The following HMCN1 variants were observed in gnomAD, a reference collection of about 807,000 sequenced individuals.
The protein encoded by HMCN1 is hemicentin-1.
A neutral mutation model predicts 625.9 loss-of-function variants in HMCN1; 321 were observed. That is an observed-to-expected ratio of 0.51 (90% CI 0.47 to 0.56). The LOEUF (loss-of-function observed/expected upper bound fraction) is 0.56, where lower values mean the gene tolerates loss of function less well. Ranked by LOEUF, HMCN1 falls within the 20% of genes least tolerant of loss-of-function variation. The pLI, the probability that HMCN1 is intolerant of heterozygous loss-of-function variation, is 0.00. For missense variants in HMCN1, 6,588 were observed against 6,887.3 expected (o/e 0.96, Z 1.54); for synonymous variants, 2,425 against 2,417.6 (o/e 1.00, Z -0.09).
intron 1 of HMCN1, among the ~76,000 whole-genome samples, chr1:185,785,234 A>G (rs1657479746): frequency 6.6e-6 from 1 of 152,186 alleles, no homozygotes. Flanking sequence ...TGCTTCTTAA[A>G]GTAAATTGAT....
At position 186,003,829 on chromosome 1, in the gene HMCN1, G is replaced by C; in HGVS notation, c.4460G>C (p.Trp1487Ser). 2 of 1,613,182 alleles carry C rather than the reference G, an allele frequency of 1.2e-6. No homozygotes were observed. Among genetic ancestry groups the C allele is most frequent in the Non-Finnish European group, 1.7e-6 (2 of 1,179,420 alleles). ...GGCACTCCCTTTCCTGATATTCATTGGTTCAAAGATGGCAAGTGAGTATCT... is the reference window on the plus strand; with the variant it reads ...GGCACTCCCTTTCCTGATATTCATTCGTTCAAAGATGGCAAGTGAGTATCT... Reference protein sequence around the residue: ...VKGTPFPDIHWFKDGKPLFLG... With the variant: ...VKGTPFPDIHSFKDGKPLFLG... Residue 1487 changes from tryptophan to serine, a missense_variant, in exon 29 of 107, where the codon TGG (tryptophan) becomes TCG (serine). By Grantham distance (177) the Trp-to-Ser change is radical. Transcript: ENST00000271588.
At position 186,094,368 on chromosome 1, in the gene HMCN1, T is replaced by A. The variant is rs1381565112; in HGVS notation, c.10289T>A (p.Val3430Glu). 1 of 1,609,588 alleles carries A rather than the reference T, an allele frequency of 6.2e-7. No individual in the cohort carries two copies. Among genetic ancestry groups the A allele is most frequent in the African/African-American group, 1.3e-5 (1 of 74,758 alleles). Residue 3430 changes from valine (V) to glutamate (E), a missense_variant, in exon 67 of 107, where the codon GTG becomes GAG. Physicochemically the swap from Val to Glu is moderately radical, Grantham distance 121. Transcript: ENST00000271588. ...GATAATAAGCATTACAATCTTCAAG[T>A]GTTTGGTATGTGTCACAGAAATGAC... ...GVDNKHYNLQ[V>E]FAPPNMDNSM...
At chr1:186,036,620 C>T (rs961047013) in intron 36 of HMCN1, among the ~76,000 whole-genome samples, 3 of 149,124 alleles carry the variant, frequency 2.0e-5, no homozygotes, top group East Asian at 2.0e-4. Flanking sequence ...GGTGGAGTTT[C>T]GCTCTTGTTG....
At chr1:186,152,932 A>C in intron 96 of HMCN1, 61 bp downstream of exon 96, 1 of 1,599,638 alleles carries the variant, frequency 6.3e-7, no homozygotes, top group South Asian at 1.1e-5. Context: ...TGAAAGGTCC[A>C]TAGAATGAGC....
chr1:185,777,116 G>T (rs1473421923), intron 1 of HMCN1, among the ~76,000 whole-genome samples: 2 of 152,158 alleles, frequency 1.3e-5, no homozygotes, highest in Non-Finnish European at 2.9e-5. Flanking sequence ...TACCCAGGAG[G>T]TGCTACAAGT....
intron 72 of HMCN1, 52 bp from the exon 73 acceptor site, chr1:186,113,927 A>G (rs991615940): frequency 1.3e-6 from 2 of 1,593,680 alleles, no homozygotes; most frequent in African/African-American, 1.3e-5. Context: ...GTCTTCATGC[A>G]GGCTGTATTA....
chr1:186,065,509 T>C lies in HMCN1; in HGVS notation c.7705+80T>C, dbSNP rs1658052870. On this transcript the variant is annotated intron_variant, in intron 49 of 106. Coordinates refer to ENST00000271588, the MANE Select transcript of HMCN1 (RefSeq NM_031935.3). The stretch of plus-strand genomic sequence containing the variant: ...ATTTTCTTTTCTTTTTCTGTTCAAG[T>C]AATGTTTCCGTCGTAGAATTTCATC... 4.8e-6 allele frequency: 5 copies of C among 1,047,922 alleles called. No individual in the cohort carries two copies. In the African/African-American group the frequency reaches 4.8e-5, roughly 10 times the overall value. 64.9% of individuals were successfully genotyped at this position (1,047,922 alleles called of 1,614,324 possible). A position where few individuals can be genotyped will look rare whatever the true frequency, so the allele number is the denominator to read the frequency against.
At position 186,130,113 on chromosome 1, in the gene HMCN1, G is replaced by A. The variant is rs553369532; in HGVS notation, c.13039+13G>A. On this transcript the variant is annotated intron_variant, in intron 84 of 106. Coordinates refer to ENST00000271588, the MANE Select transcript of HMCN1 (RefSeq NM_031935.3). ...GTTTATGTGAAAGGTAGGGAAAAGC[G>A]CTCCATTTTTAATTTATAATGCATT... 2.4e-5 allele frequency: 39 copies of A among 1,612,580 alleles called. No homozygotes were observed. The Admixed American group carries it at 3.3e-4, about 14-fold the overall frequency.
At chr1:185,934,198 G>A (rs1053876049) in intron 11 of HMCN1, among the ~76,000 whole-genome samples, 2 of 151,976 alleles carry the variant, frequency 1.3e-5, no homozygotes, top group African/African-American at 4.8e-5. Flanking sequence ...TTTAAGTACT[G>A]TATTTTTGCA....
chr1:186,076,402 C>A (rs768891807), intron 53 of HMCN1, 26 bp from the exon 54 acceptor site: 4 of 1,604,716 alleles, frequency 2.5e-6, no homozygotes, highest in Non-Finnish European at 3.4e-6. Context: ...TATATGTGAC[C>A]AACATTTAAT....
At position 186,112,818 on chromosome 1, in the gene HMCN1, C is replaced by T. The variant is rs375095817; in HGVS notation, c.10996C>T (p.Pro3666Ser). The change falls in exon 72 of 107, where the codon CCT becomes TCT. Residue 3666 changes from proline (P) to serine (S), a missense_variant. Coordinates refer to ENST00000271588, the MANE Select transcript of HMCN1 (RefSeq NM_031935.3). ...CTTTACTTGCTGAATCCAGGCAACA[C>T]CTCGAGTGCGAATCCTATCTGGAGG... ...LRNGERLQAT[P>S]RVRILSGGRY... The T allele has an allele frequency of 3.4e-5, 55 of 1,614,140 alleles. No individual in the cohort carries two copies. Among genetic ancestry groups the T allele is most frequent in the Middle Eastern group, 1.6e-4 (1 of 6,062 alleles).
chr1:185,912,748 C>A (rs543854614), intron 6 of HMCN1, among the ~76,000 whole-genome samples: 2 of 152,244 alleles, frequency 1.3e-5, no homozygotes, highest in Non-Finnish European at 1.5e-5. Context: ...GCTTAAAACA[C>A]ACCCTTTGTG....
At chr1:185,764,409 A>G (rs996014236) in intron 1 of HMCN1, among the ~76,000 whole-genome samples, 1 of 152,172 alleles carries the variant, frequency 6.6e-6, no homozygotes, top group Non-Finnish European at 1.5e-5. Context: ...TACACTTTAT[A>G]TAGAATTCTT....
At chr1:186,057,031 T>TCACACACACACACACA (rs59926356) in intron 45 of HMCN1, among the ~76,000 whole-genome samples, 49 of 148,030 alleles carry the variant, frequency 3.3e-4, no homozygotes, top group African/African-American at 1.2e-3. Context: ...TCCAGGAATG[T>TCACACACACACACACA]CACACACACA....
chr1:185,757,907 A>T (rs1483633102), intron 1 of HMCN1, among the ~76,000 whole-genome samples: 2 of 152,294 alleles, frequency 1.3e-5, no homozygotes, highest in South Asian at 4.1e-4. Context: ...TTGGTTATTC[A>T]TAGATACTCT....
At chr1:185,988,205 A>G (rs1281020881) in intron 20 of HMCN1, among the ~76,000 whole-genome samples, 1 of 152,224 alleles carries the variant, frequency 6.6e-6, no homozygotes, top group Non-Finnish European at 1.5e-5. Context: ...TAAAAATTGT[A>G]AGACACTTAC....
chr1:185,963,096 A>G (rs1650144347), intron 12 of HMCN1, among the ~76,000 whole-genome samples: 1 of 152,112 alleles, frequency 6.6e-6, no homozygotes, highest in Non-Finnish European at 1.5e-5. Flanking sequence ...CATTACTTCC[A>G]TTTTTGCCAA....
intron 4 of HMCN1, among the ~76,000 whole-genome samples, chr1:185,892,846 G>C (rs1479018707): frequency 1.3e-5 from 2 of 152,314 alleles, no homozygotes; most frequent in South Asian, 2.1e-4. Flanking sequence ...CACCCAGTTC[G>C]AGCTTCCAGG....
chr1:186,071,159 G>C (rs1024857747), intron 52 of HMCN1, among the ~76,000 whole-genome samples: 1 of 152,114 alleles, frequency 6.6e-6, no homozygotes, highest in African/African-American at 2.4e-5. Flanking sequence ...AGGTAAAGAA[G>C]CAACACATAA....
Sources: gnomAD v4.1 joint callset for allele counts (sites outside exome capture counted in the v4.1 genomes callset) on GRCh38, gnomAD v4.1.1 for gene constraint, MANE v1.5 for transcripts, NCBI Gene and HGNC (gene_info 2026-07-23, HGNC 2026-07-21) for gene names.